Variants in CIAPIN1 observed in about 807,000 individuals in gnomAD.
The protein encoded by CIAPIN1 is cytokine induced apoptosis inhibitor 1, also known as anamorsin.
In CIAPIN1, 18 loss-of-function variants were observed where a neutral mutation model predicts 34.3. The observed-to-expected ratio is 0.52, with a 90% CI of 0.36 to 0.78. The LOEUF is 0.78. Ranked by LOEUF, CIAPIN1 falls within the 30% of genes least tolerant of loss-of-function variation. CIAPIN1 has a pLI of 0.00. For synonymous variants in CIAPIN1, 131 were observed against 140.4 expected (o/e 0.93, Z 0.47); for missense variants, 310 against 372.5 (o/e 0.83, Z 1.38).
chr16:57,440,757 T>C lies in CIAPIN1; in HGVS notation c.157+15A>G. ...CCCCTCCAGCCTCATAAAGACAACG[T>C]GGGTGGGTACTTACATTGCAACAGC... On this transcript the variant is annotated intron_variant, in intron 2 of 8. Coordinates refer to ENST00000394391, the MANE Select transcript of CIAPIN1 (RefSeq NM_020313.4). 1 of 1,603,902 alleles carries C rather than the reference T, an allele frequency of 6.2e-7. No homozygotes were observed. The highest frequency in any genetic ancestry group is 8.5e-7 in the Non-Finnish European group (1 of 1,173,930).
intron 4 of CIAPIN1, among the ~76,000 whole-genome samples, chr16:57,435,319 T>C (rs1903175348): frequency 1.3e-5 from 2 of 152,244 alleles, no homozygotes; most frequent in Admixed American, 1.3e-4. Flanking sequence ...CCGTGCTTCC[T>C]GTACAGTCTG....
intron 4 of CIAPIN1, among the ~76,000 whole-genome samples, chr16:57,434,548 C>T (rs1470989966): frequency 6.6e-6 from 1 of 152,044 alleles, no homozygotes; most frequent in Non-Finnish European, 1.5e-5. Context: ...AGAATGCCCA[C>T]AATGAAGACA....
At chr16:57,430,176 G>T in intron 8 of CIAPIN1, 82 bp downstream of exon 8, 1 of 1,167,422 alleles carries the variant, frequency 8.6e-7, no homozygotes. Flanking sequence ...TATTTGAGGT[G>T]GAGCTTGTCT....
rs1194141126 is a variant in CIAPIN1 at position 57,430,281 on chromosome 16, G to A, written c.805C>T (p.Gln269Ter). 3 of 1,614,214 alleles carry A rather than the reference G, an allele frequency of 1.9e-6. No homozygotes were observed. Among genetic ancestry groups the A allele is most frequent in the Non-Finnish European group, 2.5e-6 (3 of 1,180,030 alleles). The change falls in exon 8 of 9, where the codon CAA (glutamine) becomes TAA (stop). Residue 269 changes from glutamine (Q) to a stop codon, truncating the protein, a stop_gained. Transcript: ENST00000394391. LOFTEE classifies it high-confidence loss of function. The stretch of plus-strand genomic sequence containing the variant: ...ACGTTTCCACAAGCTGACTTGGGTT[G>A]GGAGCTCATCTGTTCCCTTGACTTC... ...KEKSREQMSS[Q>*]PKSACGNCYL...
intron 7 of CIAPIN1, chr16:57,430,654 CTG>C (rs879848576): frequency 7.3e-5 from 23 of 314,362 alleles, no homozygotes; most frequent in Admixed American, 1.3e-4. Context: ...GGAAAAAAAT[CTG>C]TGTTTTCACT....
Position 57,432,579 on chromosome 16 carries a change from AG to A in CIAPIN1, c.557-20del, listed in dbSNP as rs774230689. ...GGTTTCACTGAGTCCAAGCAATAAA[AG>A]AAAAAACTCCATAAACACAGTCAGA... On this transcript the variant is annotated intron_variant, in intron 5 of 8. Coordinates refer to ENST00000394391, the MANE Select transcript of CIAPIN1 (RefSeq NM_020313.4). The A allele has an allele frequency of 6.2e-7, 1 of 1,606,162 alleles. No individual in the cohort carries two copies. Among genetic ancestry groups the A allele is most frequent in the African/African-American group, 1.3e-5 (1 of 74,714 alleles).
In CIAPIN1 at chr16:57,436,876, T is replaced by C. The variant is rs547017531; in HGVS notation, c.311-144A>G. 3.1e-4 allele frequency: 162 copies of C among 519,964 alleles called. 1 individual carries two copies. Among genetic ancestry groups the C allele is most frequent in the South Asian group, 2.8e-3 (126 of 45,494 alleles). 32.2% of individuals were successfully genotyped at this position (519,964 alleles called of 1,614,324 possible). A position where few individuals can be genotyped will look rare whatever the true frequency, so the allele number is the denominator to read the frequency against. On this transcript the variant is annotated intron_variant, in intron 3 of 8. Coordinates refer to ENST00000394391, the MANE Select transcript of CIAPIN1 (RefSeq NM_020313.4). ...GCTCATGTCTGTAATCCCAGCACTTTGGGAGGCTGAGGTGGACAGATCACT... is the reference window on the plus strand; with the variant it reads ...GCTCATGTCTGTAATCCCAGCACTTCGGGAGGCTGAGGTGGACAGATCACT...
At chr16:57,432,089 G>C (rs1359435907) in intron 6 of CIAPIN1, among the ~76,000 whole-genome samples, 1 of 152,120 alleles carries the variant, frequency 6.6e-6, no homozygotes, top group African/African-American at 2.4e-5. Flanking sequence ...GAGGCGGGCA[G>C]ATCACTTGAG....
rs145942937 is a variant in CIAPIN1, at chr16:57,443,544, G to A, written c.-55-2561C>T. 2.5e-3 allele frequency among the ~76,000 whole-genome samples: 374 copies of A among 152,248 alleles called. 1 individual carries two copies. The highest frequency in any genetic ancestry group is 8.5e-3 in the East Asian group (44 of 5,182). On this transcript the variant is annotated intron_variant, in intron 1 of 8. Transcript: ENST00000394391. ...ACAATCTCAACTCAGTGCAACCTCC[G>A]CCTTCAGCGTTCAAGCAATTCTCAT...
intron 7 of CIAPIN1, 58 bp downstream of exon 7, chr16:57,431,093 T>A: frequency 1.0e-6 from 1 of 1,002,416 alleles, no homozygotes; most frequent in Admixed American, 1.8e-5. Context: ...CACCGCGATG[T>A]CTTCAGCATG....
Position 57,434,079 on chromosome 16 carries a change from A to G in CIAPIN1, c.521T>C (p.Leu174Pro). The G allele has an allele frequency of 6.2e-7, 1 of 1,614,154 alleles. No individual in the cohort carries two copies. The change falls in exon 5 of 9, where the codon CTT becomes CCT. Residue 174 changes from leucine to proline, a missense_variant. By Grantham distance (98) the Leu-to-Pro change is moderately conservative. Transcript: ENST00000394391. ...PNFEVGSSRQ[L>P]KLSITKKSSP... The stretch of plus-strand genomic sequence containing the variant: ...AGACTTCTTGGTGATGGAAAGCTTA[A>G]GCTGCCTAGAAGAACCCACTTCAAA...
At chr16:57,442,554 T>G (rs2029892808) in intron 1 of CIAPIN1, among the ~76,000 whole-genome samples, 2 of 151,946 alleles carry the variant, frequency 1.3e-5, no homozygotes, top group South Asian at 4.2e-4. Context: ...TCTTATGTAG[T>G]AATCTTATGT....
At chr16:57,436,126 C>T (rs550231213) in intron 4 of CIAPIN1, among the ~76,000 whole-genome samples, 1 of 152,360 alleles carries the variant, frequency 6.6e-6, no homozygotes, top group East Asian at 1.9e-4. Flanking sequence ...CCTCAGCTGT[C>T]ACCACCACTA....
chr16:57,432,403 C>G (rs1309833235), intron 6 of CIAPIN1, 84 bp downstream of exon 6: 2 of 1,133,778 alleles, frequency 1.8e-6, no homozygotes, highest in Non-Finnish European at 2.6e-6. Flanking sequence ...TTCACACCTA[C>G]AAGTCCAGAA....
chr16:57,434,361 G>C (rs1903155003), intron 4 of CIAPIN1, 149 bp from the exon 5 acceptor site: 1 of 692,310 alleles, frequency 1.4e-6, no homozygotes, highest in Admixed American at 2.6e-5. Flanking sequence ...CTCACATTCA[G>C]TTTCTCACTG....
At chr16:57,429,666 G>C (rs1903038488) in intron 8 of CIAPIN1, among the ~76,000 whole-genome samples, 1 of 151,818 alleles carries the variant, frequency 6.6e-6, no homozygotes, top group South Asian at 2.1e-4. Context: ...AAATTTTTTT[G>C]TATTTTTAGT....
chr16:57,443,741 G>A (rs1419299466), intron 1 of CIAPIN1, among the ~76,000 whole-genome samples: 6 of 152,256 alleles, frequency 3.9e-5, no homozygotes, highest in East Asian at 3.9e-4. Context: ...ATGAGCCACC[G>A]TGCCTGGCCA....
At chr16:57,444,560 C>T (rs1312449638) in intron 1 of CIAPIN1, among the ~76,000 whole-genome samples, 2 of 152,294 alleles carry the variant, frequency 1.3e-5, no homozygotes, top group African/African-American at 4.8e-5. Flanking sequence ...GGACAGTACT[C>T]CAGTGGGACT....
At chr16:57,442,345 AAAAT>A (rs1276850552) in intron 1 of CIAPIN1, among the ~76,000 whole-genome samples, 19 of 152,036 alleles carry the variant, frequency 1.2e-4, no homozygotes, top group Admixed American at 8.5e-4. Context: ...ACTCCGTCTC[AAAAT>A]AAATAAATAA....
Sources: allele counts gnomAD v4.1 joint callset (sites outside exome capture counted in the v4.1 genomes callset), GRCh38; gene constraint gnomAD v4.1.1; transcripts MANE v1.5; gene names NCBI Gene and HGNC (gene_info 2026-07-23, HGNC 2026-07-21).